Variants in NDUFAF5 observed in about 807,000 individuals in gnomAD.
The protein encoded by NDUFAF5 is arginine-hydroxylase NDUFAF5, mitochondrial.
NDUFAF5 carries 34 observed loss-of-function variants against 48.9 expected under a neutral mutation model. That is an observed-to-expected ratio of 0.70 (90% CI 0.53 to 0.93). The LOEUF is 0.93. NDUFAF5 is among the 40% of genes least tolerant of loss of function. The probability of loss-of-function intolerance (pLI) is 0.00; values close to 1 mark genes in which losing one functional copy is unlikely to be tolerated. For missense variants in NDUFAF5, 428 were observed against 427.5 expected, an observed-to-expected ratio of 1.00 and a Z score of -0.01; for synonymous variants, 153 against 150.6, an observed-to-expected ratio of 1.02 and a Z score of -0.12.
At chr20:13,788,150 A>G (rs954925135) in intron 2 of NDUFAF5, among the ~76,000 whole-genome samples, 2 of 152,184 alleles carry the variant, frequency 1.3e-5, no homozygotes, top group Non-Finnish European at 2.9e-5. Flanking sequence ...CTTATTTTTT[A>G]GTTTAACATT....
intron 2 of NDUFAF5, among the ~76,000 whole-genome samples, chr20:13,787,857 TTAG>T (rs1981468391): frequency 6.6e-6 from 1 of 152,218 alleles, no homozygotes. Context: ...AAGAATGTTC[TTAG>T]TAGATAAAAT....
rs967362271 is a variant in NDUFAF5, at chr20:13,811,440, A to G, written c.778+2538A>G. On this transcript the variant is annotated intron_variant, in intron 8 of 10. Transcript: ENST00000378106. ...TAAAATCTTAACTTGCTGATTATTA[A>G]CATGAAGTCACCCAGGATGGTGGCA... is the stretch of plus-strand genomic sequence containing the variant. Among the ~76,000 whole-genome samples, 13 of 152,142 alleles carry G rather than the reference A, an allele frequency of 8.5e-5. No individual in the cohort carries two copies. In the South Asian group the frequency reaches 1.0e-3, roughly 12 times the overall value.
chr20:13,790,915 C>T (rs1193621354), intron 3 of NDUFAF5, among the ~76,000 whole-genome samples: 1 of 152,162 alleles, frequency 6.6e-6, no homozygotes, highest in African/African-American at 2.4e-5. Context: ...CGACTAGTTG[C>T]TTTATTTGCT....
chr20:13,807,909 A>ACTG (rs1985302089), intron 7 of NDUFAF5, among the ~76,000 whole-genome samples: 1 of 151,778 alleles, frequency 6.6e-6, no homozygotes, highest in Non-Finnish European at 1.5e-5. Context: ...AGATCACACC[A>ACTG]CTGCATTCCA....
intron 8 of NDUFAF5, chr20:13,809,134 G>C: frequency 1.8e-6 from 1 of 554,288 alleles, no homozygotes; most frequent in South Asian, 2.1e-5. Flanking sequence ...TGTTAAATTA[G>C]AATTATGGTC....
chr20:13,786,455 C>T (rs945291741), intron 1 of NDUFAF5, among the ~76,000 whole-genome samples: 3 of 152,132 alleles, frequency 2.0e-5, no homozygotes, highest in East Asian at 1.9e-4. Flanking sequence ...ATTGAGGCCT[C>T]GCCAATTTGT....
chr20:13,796,027 G>GA (rs879887517), intron 5 of NDUFAF5, among the ~76,000 whole-genome samples: 3 of 151,952 alleles, frequency 2.0e-5, no homozygotes, highest in Non-Finnish European at 4.4e-5. Context: ...CAGTCTAACA[G>GA]AAAAAATATC....
intron 7 of NDUFAF5, 194 bp downstream of exon 7, chr20:13,801,877 G>T: frequency 1.9e-6 from 1 of 540,426 alleles, no homozygotes; most frequent in Non-Finnish European, 3.2e-6. Flanking sequence ...ACACAAGGTA[G>T]GAATGTATAA....
chr20:13,802,703 C>G (rs1265728438), intron 7 of NDUFAF5, among the ~76,000 whole-genome samples: 1 of 149,490 alleles, frequency 6.7e-6, no homozygotes, highest in Non-Finnish European at 1.5e-5. Flanking sequence ...AAATGTTACT[C>G]ACCTCACCCT....
rs749220687 is a variant in NDUFAF5 at position 13,785,129 on chromosome 20, G to C, written c.61G>C (p.Ala21Pro). The change falls in exon 1 of 11, where the codon GCG becomes CCG. Residue 21 changes from alanine to proline, a missense_variant. Coordinates refer to ENST00000378106, the MANE Select transcript of NDUFAF5 (RefSeq NM_024120.5). ...CRRPWAARVPAENLGRREVTS... is the reference protein window; with the variant it reads ...CRRPWAARVPPENLGRREVTS... Reference sequence around the variant, plus strand: ...GCGACCTTGGGCGGCGAGGGTCCCAGCGGAGAATCTTGGCCGTAGGGAAGT... The same window carrying C: ...GCGACCTTGGGCGGCGAGGGTCCCACCGGAGAATCTTGGCCGTAGGGAAGT... 4.3e-6 allele frequency: 7 copies of C among 1,613,844 alleles called. No individual in the cohort carries two copies. The highest frequency in any genetic ancestry group is 3.3e-5 in the Admixed American group (2 of 60,002).
rs561759434 is a variant in NDUFAF5 at position 13,810,560 on chromosome 20, A to G, written c.778+1658A>G. 2.6e-5 allele frequency among the ~76,000 whole-genome samples: 4 copies of G among 151,888 alleles called. No homozygotes were observed. The South Asian group carries it at 8.3e-4, about 32-fold the overall frequency. On this transcript the variant is annotated intron_variant, in intron 8 of 10. Coordinates refer to ENST00000378106, the MANE Select transcript of NDUFAF5 (RefSeq NM_024120.5). The stretch of plus-strand genomic sequence containing the variant: ...GTGGTGAAGAAGAGGTGAAGGATGG[A>G]AAGGTTACAGGTGTCAGAAGAGAGG...
intron 6 of NDUFAF5, among the ~76,000 whole-genome samples, chr20:13,799,997 A>G (rs998375412): frequency 4.6e-5 from 7 of 152,164 alleles, no homozygotes; most frequent in African/African-American, 1.7e-4. Context: ...GAAATATGGC[A>G]GTTGGAAAGG....
intron 1 of NDUFAF5, among the ~76,000 whole-genome samples, chr20:13,786,509 T>C (rs1308983952): frequency 6.8e-6 from 1 of 146,280 alleles, no homozygotes; most frequent in Non-Finnish European, 1.6e-5. Flanking sequence ...GTTCTTTTTA[T>C]AATAAACATA....
intron 7 of NDUFAF5, 112 bp from the exon 8 acceptor site, chr20:13,808,730 A>AATTTT: frequency 1.5e-6 from 1 of 676,498 alleles, no homozygotes. Context: ...TATTGTAAAT[A>AATTTT]TTTTTTGCTT....
rs920740388 is a variant in NDUFAF5, at chr20:13,814,470, T to C, written c.779-1993T>C. ...TTTACAAAACAAGCTGCATATCAGCTGATGAATGCATGAGAAATTTTCAAG... is the reference window on the plus strand; with the variant it reads ...TTTACAAAACAAGCTGCATATCAGCCGATGAATGCATGAGAAATTTTCAAG... On this transcript the variant is annotated intron_variant, in intron 8 of 10. Coordinates refer to ENST00000378106, the MANE Select transcript of NDUFAF5 (RefSeq NM_024120.5). 8 of 1,289,196 alleles carry C rather than the reference T, an allele frequency of 6.2e-6. No individual in the cohort carries two copies. The African/African-American group carries it at 7.6e-5, about 12-fold the overall frequency. The allele number at this position is 1,289,196 out of a possible 1,614,324, so 79.9% of individuals were successfully genotyped here. A position where few individuals can be genotyped will look rare whatever the true frequency, so the allele number is the denominator to read the frequency against.
At chr20:13,795,865 T>C (rs942232685) in intron 5 of NDUFAF5, among the ~76,000 whole-genome samples, 5 of 152,160 alleles carry the variant, frequency 3.3e-5, no homozygotes, top group African/African-American at 1.2e-4. Context: ...AAGATTACTC[T>C]TTTCCCTTTA....
At chr20:13,799,761 T>G (rs909308960) in intron 6 of NDUFAF5, among the ~76,000 whole-genome samples, 2 of 151,512 alleles carry the variant, frequency 1.3e-5, no homozygotes, top group Non-Finnish European at 2.9e-5. Flanking sequence ...GGGAGACTGT[T>G]TCAGTGGTCC....
intron 8 of NDUFAF5, chr20:13,814,606 C>A: frequency 1.6e-6 from 1 of 629,292 alleles, no homozygotes. Context: ...AGTTGAACTT[C>A]ACCTTAAAAA....
At chr20:13,796,786 C>G (rs1166088420) in intron 5 of NDUFAF5, among the ~76,000 whole-genome samples, 1 of 152,208 alleles carries the variant, frequency 6.6e-6, no homozygotes, top group Non-Finnish European at 1.5e-5. Context: ...CAAGACCAAC[C>G]TGGGCTACGT....
Sources: allele counts gnomAD v4.1 joint callset (sites outside exome capture counted in the v4.1 genomes callset), GRCh38; gene constraint gnomAD v4.1.1; transcripts MANE v1.5; gene names NCBI Gene and HGNC (gene_info 2026-07-23, HGNC 2026-07-21).